Variants in ART1 observed in about 807,000 individuals in gnomAD.
ART1 encodes the protein ADP-ribosyltransferase 1.
In ART1, 29 loss-of-function variants were observed where a neutral mutation model predicts 27.0. The ratio of observed to expected loss-of-function variants is 1.08; its 90% CI spans 0.80 to 1.47. The LOEUF (loss-of-function observed/expected upper bound fraction) is 1.47. ART1 is among the 40% of genes most tolerant of loss of function. The pLI is 0.00. For missense variants in ART1, 480 were observed against 423.0 expected, an observed-to-expected ratio of 1.13 and a Z score of -1.18; for synonymous variants, 201 against 172.2, an observed-to-expected ratio of 1.17 and a Z score of -1.31.
chr11:3,647,056 T>C (rs1008479339), intron 1 of ART1, among the ~76,000 whole-genome samples: 13 of 152,060 alleles, frequency 8.5e-5, no homozygotes, highest in African/African-American at 3.1e-4. Context: ...CACGGTGGCT[T>C]ATGCCTGTAA....
At chr11:3,651,407 C>T (rs1255567817) in intron 1 of ART1, among the ~76,000 whole-genome samples, 3 of 145,892 alleles carry the variant, frequency 2.1e-5, no homozygotes, top group African/African-American at 7.9e-5. Context: ...GCTCTCCCTG[C>T]TGATAGTGTC....
At chr11:3,649,800 C>G (rs142774796) in intron 1 of ART1, among the ~76,000 whole-genome samples, 4,701 of 152,236 alleles carry the variant, frequency 0.031, 252 homozygotes, top group African/African-American at 0.11. Flanking sequence ...CCGACCTCTC[C>G]CGAATCAGAG....
At chr11:3,651,788 G>A (rs371349103) in intron 1 of ART1, among the ~76,000 whole-genome samples, 4,385 of 150,962 alleles carry the variant, frequency 0.029, 228 homozygotes, top group African/African-American at 0.1. Context: ...ACTTCAATCC[G>A]GCCTCCCACA....
chr11:3,650,337 G>C (rs1015100285), intron 1 of ART1, among the ~76,000 whole-genome samples: 1 of 152,188 alleles, frequency 6.6e-6, no homozygotes, highest in African/African-American at 2.4e-5. Flanking sequence ...GCCACTCCCA[G>C]AGCCCCTGGA....
intron 1 of ART1, among the ~76,000 whole-genome samples, chr11:3,651,778 A>G (rs1489093422): frequency 6.6e-6 from 1 of 151,640 alleles, no homozygotes; most frequent in East Asian, 1.9e-4. Flanking sequence ...CCTGGCCCGG[A>G]CTTCAATCCG....
At chr11:3,660,991 T>A (rs761999829) in intron 3 of ART1, among the ~76,000 whole-genome samples, 1 of 152,154 alleles carries the variant, frequency 6.6e-6, no homozygotes, top group Non-Finnish European at 1.5e-5. Flanking sequence ...GGCTATGGGC[T>A]TTACTTCCTA....
intron 4 of ART1, among the ~76,000 whole-genome samples, chr11:3,662,690 C>T (rs2077628835): frequency 6.6e-6 from 1 of 151,954 alleles, no homozygotes; most frequent in African/African-American, 2.4e-5. Context: ...ACTAAAAATA[C>T]AAAATTAGCC....
At chr11:3,651,944 C>A (rs1448997601) in intron 1 of ART1, among the ~76,000 whole-genome samples, 1 of 150,698 alleles carries the variant, frequency 6.6e-6, no homozygotes, top group Non-Finnish European at 1.5e-5. Flanking sequence ...GGCTTAATCG[C>A]CACACACCAG....
At position 3,664,207 on chromosome 11, in the gene ART1, A is replaced by AT. The variant is rs781104873; in HGVS notation, c.*18_*19insT. 6.2e-7 allele frequency: 1 copy of AT among 1,610,348 alleles called. No individual in the cohort carries two copies. The highest frequency in any genetic ancestry group is 8.5e-7 in the Non-Finnish European group (1 of 1,177,664). On this transcript the variant is annotated 3_prime_UTR_variant, in exon 5 of 5. Transcript: ENST00000250693. ...TCCTTTGATGCATGAGACACGGGAC[A>AT]GCCTCGCCTGCTGCCTCTGCCCATC...
intron 1 of ART1, among the ~76,000 whole-genome samples, chr11:3,654,923 C>A (rs1295157035): frequency 6.6e-6 from 1 of 152,246 alleles, no homozygotes; most frequent in Non-Finnish European, 1.5e-5. Flanking sequence ...CAGATGCAGA[C>A]AGAAACAGAG....
chr11:3,650,837 T>C (rs1238743532), intron 1 of ART1, among the ~76,000 whole-genome samples: 2 of 129,788 alleles, frequency 1.5e-5, no homozygotes, highest in African/African-American at 5.2e-5. Flanking sequence ...TCCACAAGTA[T>C]AAGGCACCTC....
At chr11:3,657,434 G>C (rs528283896) in intron 1 of ART1, among the ~76,000 whole-genome samples, 1 of 152,078 alleles carries the variant, frequency 6.6e-6, no homozygotes, top group Non-Finnish European at 1.5e-5. Flanking sequence ...AATAAGCCAG[G>C]CATCGTGATG....
At chr11:3,653,719 T>A (rs1472923010) in intron 1 of ART1, among the ~76,000 whole-genome samples, 2 of 152,248 alleles carry the variant, frequency 1.3e-5, no homozygotes, top group Non-Finnish European at 2.9e-5. Flanking sequence ...CTGGGTGTCA[T>A]CCTTGATTTT....
chr11:3,663,129 CTCATCTCATCTCATCA>C, intron 4 of ART1, among the ~76,000 whole-genome samples: 1 of 147,562 alleles, frequency 6.8e-6, no homozygotes, highest in South Asian at 2.1e-4. Flanking sequence ...CTCATCTCAT[CTCATCTCATCTCATCA>C]TCATCTCATC....
At chr11:3,663,139 C>CTCATCTCATCTCATCTCA (rs2077636200) in intron 4 of ART1, among the ~76,000 whole-genome samples, 1 of 149,334 alleles carries the variant, frequency 6.7e-6, no homozygotes, top group African/African-American at 2.5e-5. Context: ...CTCATCTCAT[C>CTCATCTCATCTCATCTCA]TCATCATCAT....
In ART1 at chr11:3,651,750, C is replaced by G. The variant is rs903836969; in HGVS notation, c.-53+6571C>G. 2.0e-5 allele frequency among the ~76,000 whole-genome samples: 3 copies of G among 151,830 alleles called. No homozygotes were observed. In the South Asian group the frequency reaches 6.2e-4, roughly 32 times the overall value. On this transcript the variant is annotated intron_variant, in intron 1 of 4. Coordinates refer to ENST00000250693, the MANE Select transcript of ART1 (RefSeq NM_004314.3). ...CAGCTGTACTCACTCTATGTTAAGT[C>G]CCACAATTACCATTGTTCCTGGCCC... is the stretch of plus-strand genomic sequence containing the variant.
intron 2 of ART1, 110 bp downstream of exon 2, chr11:3,659,386 G>T: frequency 1.3e-6 from 2 of 1,507,418 alleles, no homozygotes; most frequent in Non-Finnish European, 1.8e-6. Context: ...CGCTTCCCCT[G>T]GGGATCACTC....
rs763258503 is a variant in ART1, at chr11:3,659,536, C to T, written c.64-47C>T. Reference sequence around the variant, plus strand: ...AGAGCTGGATGGCAGGGGACTCATTCTCCCAGGGGCCTATCCTCTCAGTCC... The same window carrying T: ...AGAGCTGGATGGCAGGGGACTCATTTTCCCAGGGGCCTATCCTCTCAGTCC... On this transcript the variant is annotated intron_variant, in intron 2 of 4. Coordinates refer to ENST00000250693, the MANE Select transcript of ART1 (RefSeq NM_004314.3). 3.9e-6 allele frequency: 6 copies of T among 1,530,406 alleles called. No individual in the cohort carries two copies. The Admixed American group carries it at 1.2e-4, about 30-fold the overall frequency. 94.8% of individuals were successfully genotyped at this position (1,530,406 alleles called of 1,614,324 possible). A position where few individuals can be genotyped will look rare whatever the true frequency, so the allele number is the denominator to read the frequency against.
intron 1 of ART1, among the ~76,000 whole-genome samples, chr11:3,651,703 C>T (rs938144142): frequency 1.4e-5 from 2 of 142,750 alleles, no homozygotes; most frequent in African/African-American, 2.6e-5. Context: ...GATGCATATA[C>T]TTTCTGATCC....
Sources: gnomAD v4.1 joint callset for allele counts (sites outside exome capture counted in the v4.1 genomes callset) on GRCh38, gnomAD v4.1.1 for gene constraint, MANE v1.5 for transcripts, NCBI Gene and HGNC (gene_info 2026-07-23, HGNC 2026-07-21) for gene names.